Variants in ADGRG5 observed in about 807,000 individuals in gnomAD.
ADGRG5 encodes adhesion G protein-coupled receptor G5, also known as G protein-coupled receptor 114.
Under a neutral mutation model 53.2 loss-of-function variants are expected in ADGRG5, and 37 were observed. The observed-to-expected ratio is 0.70, with a 90% CI of 0.53 to 0.91. The LOEUF (loss-of-function observed/expected upper bound fraction) is 0.91. Among genes scored for constraint, ADGRG5 ranks in the 40% least tolerant of loss-of-function variants. The pLI, the probability that ADGRG5 is intolerant of heterozygous loss-of-function variation, is 0.00. For missense variants in ADGRG5, 614 were observed against 675.8 expected (o/e 0.91, Z 1.01); for synonymous variants, 277 against 290.4 (o/e 0.95, Z 0.47).
intron 9 of ADGRG5, among the ~76,000 whole-genome samples, chr16:57,568,426 A>G (rs2033209562): frequency 6.8e-6 from 1 of 147,758 alleles, no homozygotes. Context: ...CATTATCACC[A>G]TCACCTCCTC....
intron 4 of ADGRG5, 151 bp from the exon 5 acceptor site, chr16:57,563,697 G>A: frequency 1.1e-6 from 1 of 944,438 alleles, no homozygotes; most frequent in Non-Finnish European, 1.6e-6. Flanking sequence ...TGGGATCTTG[G>A]GAAGTTTGGG....
chr16:57,538,583 A>G (rs1354443294), upstream of ADGRG5, among the ~76,000 whole-genome samples: 2 of 152,010 alleles, frequency 1.3e-5, no homozygotes, highest in Admixed American at 1.3e-4. Flanking sequence ...GACTGTTTCA[A>G]TTTTACCATA....
chr16:57,554,700 C>A (rs141871814), intron 1 of ADGRG5, among the ~76,000 whole-genome samples: 113 of 152,142 alleles, frequency 7.4e-4, no homozygotes, highest in Non-Finnish European at 1.4e-3. Flanking sequence ...ATTATTTTTC[C>A]TTCTGCTTAT....
At chr16:57,567,321 A>G (rs2033160858) in intron 7 of ADGRG5, 149 bp from the exon 8 acceptor site, 1 of 755,240 alleles carries the variant, frequency 1.3e-6, no homozygotes, top group Admixed American at 2.9e-5. Context: ...AACTGACTGT[A>G]TCTGCCATGG....
At chr16:57,551,712 G>A (rs1223224116) in intron 1 of ADGRG5, among the ~76,000 whole-genome samples, 1 of 152,192 alleles carries the variant, frequency 6.6e-6, no homozygotes, top group African/African-American at 2.4e-5. Context: ...TCCTGTTAAT[G>A]TTGATATTTT....
Position 57,562,446 on chromosome 16 carries a change from G to C in ADGRG5, c.127G>C (p.Val43Leu). ...GCAGGTGTCCAGGGGCCGGAGCTCAGTTTTTTCCTCTCGGTGAGTTGGATG... is the reference window on the plus strand; with the variant it reads ...GCAGGTGTCCAGGGGCCGGAGCTCACTTTTTTCCTCTCGGTGAGTTGGATG... ...NMQVSRGRSS[V>L]FSSRQLHQLE... Residue 43 changes from valine to leucine, a missense_variant, in exon 3 of 12, where the codon GTT becomes CTT. Val to Leu is a conservative substitution (Grantham distance 32, BLOSUM62 1). Coordinates refer to ENST00000349457, the MANE Select transcript of ADGRG5 (RefSeq NM_001304376.3). 6.2e-7 allele frequency: 1 copy of C among 1,602,884 alleles called. No individual in the cohort carries two copies. The highest frequency in any genetic ancestry group is 1.3e-5 in the African/African-American group (1 of 74,876).
At chr16:57,569,852 T>G (rs1232322476) in intron 9 of ADGRG5, among the ~76,000 whole-genome samples, 1 of 149,340 alleles carries the variant, frequency 6.7e-6, no homozygotes, top group African/African-American at 2.5e-5. Flanking sequence ...ATCATCACCG[T>G]CACCTCCTCC....
At chr16:57,551,367 C>T (rs2032749599) in intron 1 of ADGRG5, among the ~76,000 whole-genome samples, 1 of 152,194 alleles carries the variant, frequency 6.6e-6, no homozygotes, top group Admixed American at 6.5e-5. Context: ...GAGCTTCATT[C>T]AAAATTGGAG....
intron 1 of ADGRG5, among the ~76,000 whole-genome samples, chr16:57,553,320 A>T (rs2032797533): frequency 6.6e-6 from 1 of 152,246 alleles, no homozygotes; most frequent in African/African-American, 2.4e-5. Context: ...TGTTATTTGC[A>T]TCTGTGATCC....
chr16:57,538,678 G>A (rs546101248), upstream of ADGRG5, among the ~76,000 whole-genome samples: 3 of 152,276 alleles, frequency 2.0e-5, no homozygotes, highest in African/African-American at 4.8e-5. Context: ...TCTCGGCAGG[G>A]TTTCTCTCTG....
chr16:57,573,230 G>A lies in ADGRG5; in HGVS notation c.1209-1585G>A, dbSNP rs150770367. On this transcript the variant is annotated intron_variant, in intron 10 of 11. Transcript: ENST00000349457. Reference sequence around the variant, plus strand: ...GTGGATCAACTGAGGTCAGGAGTTCGAGATCAACCTGGACAACACGGTGAA... The same window carrying A: ...GTGGATCAACTGAGGTCAGGAGTTCAAGATCAACCTGGACAACACGGTGAA... Among the ~76,000 whole-genome samples, 864 of 152,104 alleles carry A rather than the reference G, an allele frequency of 5.7e-3. 7 individuals are homozygous for A. Among genetic ancestry groups the A allele is most frequent in the South Asian group, 0.018 (88 of 4,820 alleles).
In ADGRG5 at chr16:57,574,430, T is replaced by A. The variant is rs1342711359; in HGVS notation, c.1209-385T>A. Among the ~76,000 whole-genome samples, 1 of 152,132 alleles carries A rather than the reference T, an allele frequency of 6.6e-6. No homozygotes were observed. The highest frequency in any genetic ancestry group is 2.4e-5 in the African/African-American group (1 of 41,424). On this transcript the variant is annotated intron_variant, in intron 10 of 11. Transcript: ENST00000349457. This position sits in a 1 kb window ranked among gnomAD's most constrained non-coding sequence, Gnocchi z 4.4. Reference sequence around the variant, plus strand: ...CATGTAGTGGGGTGGAAGGGGAAGTTTCCAGGAAAGAGGGCTCCGGGCCAA... The same window carrying A: ...CATGTAGTGGGGTGGAAGGGGAAGTATCCAGGAAAGAGGGCTCCGGGCCAA...
the ADGRG5 span, among the ~76,000 whole-genome samples, chr16:57,529,929 AG>A: frequency 6.6e-6 from 1 of 152,202 alleles, no homozygotes; most frequent in African/African-American, 2.4e-5. The surrounding 1 kb of genome is among the most constrained non-coding windows in gnomAD (Gnocchi z 4.1). Flanking sequence ...ATATTTGTGG[AG>A]GGCAGGCCAC....
intron 1 of ADGRG5, among the ~76,000 whole-genome samples, chr16:57,552,237 C>CTT (rs1406634905): frequency 6.6e-6 from 1 of 152,148 alleles, no homozygotes; most frequent in East Asian, 1.9e-4. Context: ...GCATTACCCG[C>CTT]TAACAAGGGA....
rs533757145 is a variant in ADGRG5, at chr16:57,576,760, A to G, written c.*1222A>G. 1 of 152,278 alleles carries G rather than the reference A, an allele frequency of 6.6e-6. No individual in the cohort carries two copies. Among genetic ancestry groups the G allele is most frequent in the African/African-American group, 2.4e-5 (1 of 41,548 alleles). 9.4% of individuals were successfully genotyped at this position (152,278 alleles called of 1,614,324 possible). A position where few individuals can be genotyped will look rare whatever the true frequency, so the allele number is the denominator to read the frequency against. ...GTCTCTTTTCCCAATGCGGCGGTGC[A>G]CTTTCGCTCTTGGGGGCTGCACCCC... On this transcript the variant is annotated 3_prime_UTR_variant, in exon 12 of 12. Transcript: ENST00000349457.
chr16:57,566,803 TG>T (rs780383051), intron 7 of ADGRG5, 52 bp downstream of exon 7: 1 of 1,368,256 alleles, frequency 7.3e-7, no homozygotes, highest in Admixed American at 2.9e-5. Flanking sequence ...CCTGTGTCTG[TG>T]GCAGAGGAGC....
chr16:57,552,841 A>C (rs755926800), intron 1 of ADGRG5, among the ~76,000 whole-genome samples: 25 of 152,184 alleles, frequency 1.6e-4, no homozygotes, highest in Non-Finnish European at 3.1e-4. Flanking sequence ...TTGATTTAAA[A>C]TGAGAGATGT....
rs1306234739 is a variant in ADGRG5 at position 57,577,188 on chromosome 16, A to G, written c.*1650A>G. 6.6e-6 allele frequency: 1 copy of G among 152,334 alleles called. No homozygotes were observed. Among genetic ancestry groups the G allele is most frequent in the Non-Finnish European group, 1.5e-5 (1 of 68,034 alleles). The allele number at this position is 152,334 out of a possible 1,614,324, so 9.4% of individuals were successfully genotyped here. ...CTTGGCACAGAGTAAGTGCTCAGTA[A>G]ATGGTTACTGGTATTATCATTAGTA... On this transcript the variant is annotated 3_prime_UTR_variant, in exon 12 of 12. Coordinates refer to ENST00000349457, the MANE Select transcript of ADGRG5 (RefSeq NM_001304376.3).
rs373132751 is a variant in ADGRG5 at position 57,563,867 on chromosome 16, G to C, written c.317G>C (p.Arg106Pro). ...RVPQAGGQHA[R>P]GQHAMQFPAE... is the part of the protein sequence containing the mutation. ...CTGCAGGCAGGAGGTCAGCATGCCC[G>C]GGGTCAGCACGCCATGCAGTTCCCC... The change falls in exon 5 of 12, where the codon CGG becomes CCG. Residue 106 changes from arginine to proline, a missense_variant. By Grantham distance (103) the Arg-to-Pro change is moderately radical. Coordinates refer to ENST00000349457, the MANE Select transcript of ADGRG5 (RefSeq NM_001304376.3). 23 of 1,613,782 alleles carry C rather than the reference G, an allele frequency of 1.4e-5. No individual in the cohort carries two copies. The highest frequency in any genetic ancestry group is 1.9e-5 in the Non-Finnish European group (22 of 1,179,986).
Sources: allele counts gnomAD v4.1 joint callset (sites outside exome capture counted in the v4.1 genomes callset), GRCh38; gene constraint gnomAD v4.1.1; non-coding constraint Gnocchi (gnomAD v3.1); transcripts MANE v1.5; gene names NCBI Gene and HGNC (gene_info 2026-07-23, HGNC 2026-07-21).